The following KCNT2 variants were observed in gnomAD, a reference collection of about 807,000 sequenced individuals.
KCNT2 encodes the protein potassium sodium-activated channel subfamily T member 2.
In KCNT2, 67 loss-of-function variants were observed where a neutral mutation model predicts 153.8. That is an observed-to-expected ratio of 0.44 (90% CI 0.36 to 0.53). KCNT2 has a LOEUF of 0.53. KCNT2 is among the 20% of genes least tolerant of loss of function. The probability of loss-of-function intolerance (pLI) is 0.00; values close to 1 mark genes in which losing one functional copy is unlikely to be tolerated. For synonymous variants in KCNT2, 500 were observed against 458.8 expected (o/e 1.09, Z -1.15); for missense variants, 975 against 1,354.8 (o/e 0.72, Z 4.40).
intron 25 of KCNT2, among the ~76,000 whole-genome samples, chr1:196,262,911 T>C (rs571639766): frequency 1.0e-3 from 159 of 152,240 alleles, no homozygotes; most frequent in African/African-American, 3.4e-3. Context: ...TAGAAAATAA[T>C]GTAATTTTAG....
intron 22 of KCNT2, among the ~76,000 whole-genome samples, chr1:196,304,174 G>A (rs1263207740): frequency 1.3e-5 from 2 of 151,976 alleles, no homozygotes; most frequent in African/African-American, 4.8e-5. Context: ...GACTAGCTTT[G>A]GATAAATCAA....
intron 25 of KCNT2, among the ~76,000 whole-genome samples, chr1:196,259,282 C>T (rs1656795617): frequency 6.6e-6 from 1 of 152,054 alleles, no homozygotes; most frequent in South Asian, 2.1e-4. Flanking sequence ...TCTTTTATGA[C>T]TAAATTTGAT....
intron 1 of KCNT2, among the ~76,000 whole-genome samples, chr1:196,589,529 C>T (rs1029374091): frequency 2.6e-5 from 4 of 151,868 alleles, no homozygotes; most frequent in African/African-American, 9.7e-5. Context: ...ATTCTGAAAC[C>T]GTCTCTCTTT....
At chr1:196,236,207 C>G in intron 26 of KCNT2, 137 bp from the exon 27 acceptor site, 1 of 604,622 alleles carries the variant, frequency 1.7e-6, no homozygotes, top group Non-Finnish European at 3.0e-6. Context: ...TGATTGTGCA[C>G]ATAAGTTTGG....
At chr1:196,578,476 G>C (rs1223350585) in intron 1 of KCNT2, among the ~76,000 whole-genome samples, 1 of 152,140 alleles carries the variant, frequency 6.6e-6, no homozygotes, top group African/African-American at 2.4e-5. Context: ...TGACCTCACA[G>C]AGCACTGGAG....
chr1:196,387,441 A>G (rs1670090069), intron 13 of KCNT2, among the ~76,000 whole-genome samples: 1 of 151,838 alleles, frequency 6.6e-6, no homozygotes, highest in Non-Finnish European at 1.5e-5. Context: ...TTCATCTATC[A>G]TATCTGTATG....
rs944772278 is a variant in KCNT2, at chr1:196,256,737, G to A, written c.3211+1457C>T. Among the ~76,000 whole-genome samples the A allele has an allele frequency of 4.1e-5, 6 of 147,678 alleles. No homozygotes were observed. In the South Asian group the frequency reaches 1.1e-3, roughly 26 times the overall value. ...ATATATATATATATATATATCCTTT[G>A]ATCTGTTATATATATAAAAAACAGT... is the stretch of plus-strand genomic sequence containing the variant. On this transcript the variant is annotated intron_variant, in intron 26 of 27. Coordinates refer to ENST00000294725, the MANE Select transcript of KCNT2 (RefSeq NM_198503.5).
At chr1:196,326,554 T>C (rs940123258) in intron 19 of KCNT2, among the ~76,000 whole-genome samples, 163 bp downstream of exon 19, 9 of 152,148 alleles carry the variant, frequency 5.9e-5, no homozygotes, top group African/African-American at 1.4e-4. Flanking sequence ...TATTCAATGA[T>C]ATATTTTGTA....
In KCNT2 at chr1:196,417,535, A is replaced by G. The variant is rs369144905; in HGVS notation, c.1185+5515T>C. Among the ~76,000 whole-genome samples the G allele has an allele frequency of 9.9e-5, 15 of 152,100 alleles. No homozygotes were observed. The East Asian group carries it at 2.3e-3, about 24-fold the overall frequency. On this transcript the variant is annotated intron_variant, in intron 12 of 27. Transcript: ENST00000294725. The stretch of plus-strand genomic sequence containing the variant: ...CTGGGTATTCTCTTAACCTCCTTCC[A>G]TATTTCTAACTATGATTTTATTACT...
At chr1:196,514,078 T>C (rs1681859351) in intron 1 of KCNT2, among the ~76,000 whole-genome samples, 1 of 152,190 alleles carries the variant, frequency 6.6e-6, no homozygotes, top group Non-Finnish European at 1.5e-5. Context: ...TTTCTTGCTA[T>C]GTGTCCCTCC....
chr1:196,502,063 G>C (rs1183718527), intron 1 of KCNT2, among the ~76,000 whole-genome samples: 1 of 152,172 alleles, frequency 6.6e-6, no homozygotes, highest in Admixed American at 6.5e-5. Flanking sequence ...GTTGCAGTGA[G>C]TTGAGATCGT....
intron 12 of KCNT2, among the ~76,000 whole-genome samples, chr1:196,413,204 G>T (rs1003095089): frequency 3.3e-5 from 5 of 151,440 alleles, no homozygotes; most frequent in African/African-American, 1.2e-4. Flanking sequence ...TATCAACATG[G>T]GGACAAGTTT....
At chr1:196,424,559 A>C (rs1673484253) in intron 11 of KCNT2, among the ~76,000 whole-genome samples, 1 of 151,974 alleles carries the variant, frequency 6.6e-6, no homozygotes, top group African/African-American at 2.4e-5. Context: ...TGTCACATGT[A>C]CAATGACCAC....
chr1:196,535,175 C>T (rs563283334), intron 1 of KCNT2, among the ~76,000 whole-genome samples: 1 of 152,306 alleles, frequency 6.6e-6, no homozygotes, highest in East Asian at 1.9e-4. Flanking sequence ...AGAGTCCCAA[C>T]ATTCTAGGAG....
At chr1:196,465,430 T>C (rs774661956) in intron 7 of KCNT2, 43 bp from the exon 8 acceptor site, 2 of 1,035,436 alleles carry the variant, frequency 1.9e-6, no homozygotes, top group Admixed American at 1.7e-5. Context: ...TGATAAATAC[T>C]AAATATGCAT....
intron 26 of KCNT2, among the ~76,000 whole-genome samples, chr1:196,254,275 G>T (rs1425261585): frequency 6.6e-6 from 1 of 151,304 alleles, no homozygotes; most frequent in Admixed American, 6.6e-5. Context: ...AACCCTGAGA[G>T]TTCTGGAAAT....
At chr1:196,604,441 G>C (rs956489557) in intron 1 of KCNT2, among the ~76,000 whole-genome samples, 1 of 152,160 alleles carries the variant, frequency 6.6e-6, no homozygotes, top group African/African-American at 2.4e-5. Flanking sequence ...TTAGATTTTT[G>C]TTTTTTGCTC....
chr1:196,423,352 T>A lies in KCNT2; in HGVS notation c.1122-239A>T, dbSNP rs562271925. Among the ~76,000 whole-genome samples the A allele has an allele frequency of 7.2e-5, 11 of 152,010 alleles. No individual in the cohort carries two copies. The South Asian group carries it at 1.2e-3, about 17-fold the overall frequency. On this transcript the variant is annotated intron_variant, in intron 11 of 27. Transcript: ENST00000294725. ...CTTAATGTTTTATGACAAAAGTTAATAAAAGCCAAATGTTATTTCTTTGTA... is the reference window on the plus strand; with the variant it reads ...CTTAATGTTTTATGACAAAAGTTAAAAAAAGCCAAATGTTATTTCTTTGTA...
intron 1 of KCNT2, among the ~76,000 whole-genome samples, chr1:196,523,562 G>A (rs1653779661): frequency 6.6e-6 from 1 of 152,124 alleles, no homozygotes; most frequent in African/African-American, 2.4e-5. Context: ...TTTCCTTCAT[G>A]GTGGCAAGAT....
Sources: allele counts gnomAD v4.1 joint callset (sites outside exome capture counted in the v4.1 genomes callset), GRCh38; gene constraint gnomAD v4.1.1; transcripts MANE v1.5; gene names NCBI Gene and HGNC (gene_info 2026-07-23, HGNC 2026-07-21).